The following PCDH9 variants were observed in gnomAD, a reference collection of about 807,000 sequenced individuals.
PCDH9 encodes protocadherin 9.
PCDH9 carries 24 observed loss-of-function variants against 70.6 expected under a neutral mutation model. That is an observed-to-expected ratio of 0.34 (90% CI 0.25 to 0.48). The LOEUF (loss-of-function observed/expected upper bound fraction) is 0.48. Among genes scored for constraint, PCDH9 ranks in the 20% least tolerant of loss-of-function variants. The probability of loss-of-function intolerance (pLI) is 0.99; values close to 1 mark genes in which losing one functional copy is unlikely to be tolerated. For synonymous variants in PCDH9, 562 were observed against 558.5 expected (o/e 1.01, Z -0.09); for missense variants, 1,281 against 1,503.6 (o/e 0.85, Z 2.45).
chr13:66,353,555 A>C (rs1956328387), intron 4 of PCDH9, among the ~76,000 whole-genome samples: 1 of 152,104 alleles, frequency 6.6e-6, no homozygotes, highest in South Asian at 2.1e-4. Flanking sequence ...TCAAGAGGCA[A>C]ATTTTTAGAT....
chr13:66,655,844 G>A (rs1469959142), intron 3 of PCDH9, among the ~76,000 whole-genome samples: 1 of 152,146 alleles, frequency 6.6e-6, no homozygotes, highest in Non-Finnish European at 1.5e-5. Flanking sequence ...CAGACTGAAT[G>A]TCTTTATTTT....
chr13:67,227,339 T>C lies in PCDH9; in HGVS notation c.1102A>G (p.Asn368Asp). 1.9e-6 allele frequency: 3 copies of C among 1,614,002 alleles called. No individual in the cohort carries two copies. The highest frequency in any genetic ancestry group is 1.7e-6 in the Non-Finnish European group (2 of 1,179,894). The change falls in exon 2 of 5, where the codon AAT (asparagine) becomes GAT (aspartate). Residue 368 changes from asparagine (N) to aspartate (D), a missense_variant. Around this residue, in one of 4 missense-constraint regions of PCDH9, gnomAD observed 798 missense variants for 1,003.1 expected, o/e 0.80. Transcript: ENST00000377865. This position sits in a 1 kb window ranked among gnomAD's most constrained non-coding sequence, Gnocchi z 4.6. ...IDLRYIISPINGTVYLSEKDP... is the reference protein window; with the variant it reads ...IDLRYIISPIDGTVYLSEKDP... ...TTCTCAGATAAATACACGGTGCCAT[T>C]GATGGGACTTATAATGTACCTGAGG...
intron 2 of PCDH9, among the ~76,000 whole-genome samples, chr13:67,005,870 T>C (rs141316667): frequency 0.023 from 3,491 of 152,308 alleles, 60 homozygotes; most frequent in Middle Eastern, 0.048. Flanking sequence ...TTAGACAGAA[T>C]GGCCTTTTTA....
chr13:66,606,685 C>A (rs993213977), intron 4 of PCDH9, among the ~76,000 whole-genome samples: 2 of 152,254 alleles, frequency 1.3e-5, no homozygotes, highest in Middle Eastern at 3.4e-3. Context: ...ATTAGTACAT[C>A]TGTCCTAAAT....
At chr13:66,323,948 T>C (rs1955797504) in intron 4 of PCDH9, among the ~76,000 whole-genome samples, 1 of 152,098 alleles carries the variant, frequency 6.6e-6, no homozygotes, top group South Asian at 2.1e-4. Context: ...CTCCTCTCTG[T>C]CTAACTTTCT....
At chr13:66,384,916 G>C (rs1049137609) in intron 4 of PCDH9, among the ~76,000 whole-genome samples, 1 of 152,092 alleles carries the variant, frequency 6.6e-6, no homozygotes, top group Admixed American at 6.6e-5. Flanking sequence ...TGATCCGCCT[G>C]CCTCGGTCTC....
At chr13:66,866,468 C>T (rs2081577631) in intron 3 of PCDH9, among the ~76,000 whole-genome samples, 1 of 151,148 alleles carries the variant, frequency 6.6e-6, no homozygotes, top group Non-Finnish European at 1.5e-5. Context: ...GGGGACAGAG[C>T]GAGACTCAAA....
At chr13:66,789,397 T>C (rs1056766441) in intron 3 of PCDH9, among the ~76,000 whole-genome samples, 3 of 152,206 alleles carry the variant, frequency 2.0e-5, no homozygotes, top group African/African-American at 4.8e-5. Flanking sequence ...TTAGTGCATA[T>C]TGAGACAATT....
chr13:66,773,574 G>A (rs1198357746), intron 3 of PCDH9, among the ~76,000 whole-genome samples: 1 of 151,312 alleles, frequency 6.6e-6, no homozygotes, highest in East Asian at 2.0e-4. Context: ...AGCTTGCAGT[G>A]AGCCGAGATT....
chr13:66,597,886 A>C lies in PCDH9; in HGVS notation c.3340+33324T>G, dbSNP rs529640380. ...AAGGAACTTATTCAACTCAGTAACA[A>C]ATTTAAAAAATGGGAAAAAGTCTTG... On this transcript the variant is annotated intron_variant, in intron 4 of 4. Transcript: ENST00000377865. Among the ~76,000 whole-genome samples the C allele has an allele frequency of 3.3e-5, 5 of 151,826 alleles. No homozygotes were observed. In the South Asian group the frequency reaches 1.0e-3, roughly 31 times the overall value.
intron 2 of PCDH9, among the ~76,000 whole-genome samples, chr13:66,925,978 G>T (rs994260839): frequency 1.3e-5 from 2 of 151,880 alleles, no homozygotes; most frequent in African/African-American, 2.4e-5. Context: ...TTTTCCCAGA[G>T]AATCTTTAAT....
At chr13:66,436,978 T>A (rs958977129) in intron 4 of PCDH9, among the ~76,000 whole-genome samples, 1 of 151,616 alleles carries the variant, frequency 6.6e-6, no homozygotes, top group Non-Finnish European at 1.5e-5. Context: ...ACATAGGTAA[T>A]TCTCTTTGTT....
chr13:66,585,863 T>A (rs1593731282), intron 4 of PCDH9, among the ~76,000 whole-genome samples: 1 of 152,124 alleles, frequency 6.6e-6, no homozygotes, highest in East Asian at 1.9e-4. Context: ...AAATTCAGTT[T>A]CAGTTTTGAC....
At chr13:66,667,121 A>G (rs1158605498) in intron 3 of PCDH9, among the ~76,000 whole-genome samples, 3 of 152,180 alleles carry the variant, frequency 2.0e-5, no homozygotes, top group Non-Finnish European at 1.5e-5. Flanking sequence ...AAAGAAAGGG[A>G]AAGAAAAAAA....
chr13:67,102,334 C>T (rs575636684), intron 2 of PCDH9, among the ~76,000 whole-genome samples: 2 of 152,214 alleles, frequency 1.3e-5, no homozygotes, highest in South Asian at 4.1e-4. Context: ...TCTTTCTCAG[C>T]CTCCACGGAC....
intron 4 of PCDH9, among the ~76,000 whole-genome samples, chr13:66,396,861 T>C (rs1451639743): frequency 6.6e-6 from 1 of 151,900 alleles, no homozygotes; most frequent in African/African-American, 2.4e-5. Context: ...AAAAGAGGAG[T>C]AGGTAATATT....
At chr13:66,993,574 G>T (rs1259540189) in intron 2 of PCDH9, among the ~76,000 whole-genome samples, 2 of 152,072 alleles carry the variant, frequency 1.3e-5, no homozygotes, top group African/African-American at 4.8e-5. Context: ...CAAAGTTTTG[G>T]CCACTATCAT....
intron 3 of PCDH9, among the ~76,000 whole-genome samples, chr13:66,766,996 G>C (rs2079727987): frequency 6.6e-6 from 1 of 151,966 alleles, no homozygotes; most frequent in Non-Finnish European, 1.5e-5. Flanking sequence ...TACTGCTTTA[G>C]AGCAAGTTAA....
chr13:66,909,293 T>C (rs2082417111), intron 2 of PCDH9, among the ~76,000 whole-genome samples: 1 of 152,028 alleles, frequency 6.6e-6, no homozygotes, highest in South Asian at 2.1e-4. Context: ...TTAAAAAAAA[T>C]CATAGATTGC....
Sources: gnomAD v4.1 joint callset for allele counts (sites outside exome capture counted in the v4.1 genomes callset) on GRCh38, gnomAD v4.1.1 for gene constraint, gnomAD v4.1.1 regional missense constraint, Gnocchi (gnomAD v3.1) non-coding constraint, MANE v1.5 for transcripts, NCBI Gene and HGNC (gene_info 2026-07-23, HGNC 2026-07-21) for gene names.